GRAMD1B: variants seen among roughly 807,000 people sequenced by gnomAD.
The protein encoded by GRAMD1B is GRAM domain containing 1B.
GRAMD1B carries 37 observed loss-of-function variants against 99.7 expected under a neutral mutation model. The observed-to-expected ratio is 0.37, with a 90% CI of 0.29 to 0.49. The LOEUF (loss-of-function observed/expected upper bound fraction) is 0.49, where lower values mean the gene tolerates loss of function less well. Ranked by LOEUF, GRAMD1B falls within the 20% of genes least tolerant of loss-of-function variation. The pLI, the probability that GRAMD1B is intolerant of heterozygous loss-of-function variation, is 0.98. For missense variants in GRAMD1B, 888 were observed against 1,009.2 expected (o/e 0.88, Z 1.63); for synonymous variants, 427 against 387.6 (o/e 1.10, Z -1.19).
In GRAMD1B at chr11:123,605,444, T is replaced by C; in HGVS notation, c.1289T>C (p.Leu430Pro). 6.2e-7 allele frequency: 1 copy of C among 1,612,342 alleles called. No individual in the cohort carries two copies. The highest frequency in any genetic ancestry group is 1.1e-5 in the South Asian group (1 of 90,842). ...LPKKSITNST[L>P]TSTGSSEAPV... ...AAGAAATCCATCACCAACAGCACACTAACATCCACAGGGAGCAGTGAGGCC... is the reference window on the plus strand; with the variant it reads ...AAGAAATCCATCACCAACAGCACACCAACATCCACAGGGAGCAGTGAGGCC... Residue 430 changes from leucine to proline, a missense_variant, in exon 10 of 20, where the codon CTA (leucine) becomes CCA (proline). By Grantham distance (98) the Leu-to-Pro change is moderately conservative. This residue lies in a region of GRAMD1B where 269 missense variants were observed against 296.6 expected (regional missense o/e 0.91). Coordinates refer to ENST00000635736, the MANE Select transcript of GRAMD1B (RefSeq NM_001387025.1).
intron 2 of GRAMD1B, among the ~76,000 whole-genome samples, chr11:123,552,003 A>G (rs1053063430): frequency 6.6e-6 from 1 of 151,936 alleles, no homozygotes; most frequent in Admixed American, 6.6e-5. Context: ...GTTTTCCCCA[A>G]TCCCATTTTT....
chr11:123,359,509 T>A (rs1053289265), intron 1 of GRAMD1B, among the ~76,000 whole-genome samples: 3 of 152,042 alleles, frequency 2.0e-5, no homozygotes, highest in Admixed American at 6.6e-5. Context: ...TTTGCACCCA[T>A]CAGCCAACCT....
intron 7 of GRAMD1B, among the ~76,000 whole-genome samples, 158 bp from the exon 8 acceptor site, chr11:123,600,310 C>T (rs947384683): frequency 6.6e-6 from 1 of 152,130 alleles, no homozygotes; most frequent in African/African-American, 2.4e-5. Context: ...GTGTGCTGAC[C>T]CCATCACTAA....
chr11:123,605,355 A>C lies in GRAMD1B; in HGVS notation c.1200A>C (p.Glu400Asp). The part of the protein sequence containing the change: ...YCEEIPVEEN[E>D]VNDSSSKSSI... ...AAGAGATCCCTGTGGAAGAGAATGA[A>C]GTGAATGACAGCTCATCCAAGAGCA... is the stretch of plus-strand genomic sequence containing the variant. The change falls in exon 10 of 20, where the codon GAA becomes GAC. Residue 400 changes from glutamate (E) to aspartate (D), a missense_variant. Coordinates refer to ENST00000635736, the MANE Select transcript of GRAMD1B (RefSeq NM_001387025.1). The C allele has an allele frequency of 6.2e-7, 1 of 1,612,562 alleles. No homozygotes were observed. Among genetic ancestry groups the C allele is most frequent in the Non-Finnish European group, 8.5e-7 (1 of 1,179,022 alleles).
chr11:123,448,969 C>T (rs182043761), intron 1 of GRAMD1B, among the ~76,000 whole-genome samples: 117 of 152,328 alleles, frequency 7.7e-4, no homozygotes, highest in Admixed American at 2.8e-3. Context: ...ACCTGCTGCT[C>T]TTGTGTGCTC....
intron 2 of GRAMD1B, among the ~76,000 whole-genome samples, chr11:123,533,012 C>G (rs1446665865): frequency 1.3e-5 from 2 of 152,188 alleles, no homozygotes; most frequent in Admixed American, 1.3e-4. Flanking sequence ...TCTTGTTGCC[C>G]AGGCTGAAGT....
At chr11:123,578,780 G>A (rs952914074) in intron 3 of GRAMD1B, among the ~76,000 whole-genome samples, 1 of 152,204 alleles carries the variant, frequency 6.6e-6, no homozygotes, top group Non-Finnish European at 1.5e-5. Flanking sequence ...CTTTGGGGCA[G>A]GAGACCCCAT....
chr11:123,578,561 G>A, intron 3 of GRAMD1B: 4 of 702,630 alleles, frequency 5.7e-6, no homozygotes, highest in Non-Finnish European at 7.5e-6. Context: ...TCCCAGAAGG[G>A]CCGGCCCCAC....
At chr11:123,517,593 T>A (rs1218803579) in intron 2 of GRAMD1B, among the ~76,000 whole-genome samples, 15 of 152,150 alleles carry the variant, frequency 9.9e-5, no homozygotes. Flanking sequence ...AAGTATAGAT[T>A]TGAACTCAAG....
At chr11:123,600,603 T>C in intron 8 of GRAMD1B, 55 bp downstream of exon 8, 1 of 1,107,654 alleles carries the variant, frequency 9.0e-7, no homozygotes, top group Non-Finnish European at 1.4e-6. Context: ...TAGAGAAGCC[T>C]TTGTCTCCTC....
intron 2 of GRAMD1B, among the ~76,000 whole-genome samples, chr11:123,506,785 C>G (rs1565308784): frequency 6.6e-6 from 1 of 152,058 alleles, no homozygotes; most frequent in Non-Finnish European, 1.5e-5. Context: ...CTTTCATTCT[C>G]TTTTCTGGAG....
chr11:123,501,614 CA>C (rs1323960346), intron 2 of GRAMD1B, among the ~76,000 whole-genome samples: 1 of 152,146 alleles, frequency 6.6e-6, no homozygotes, highest in Non-Finnish European at 1.5e-5. Flanking sequence ...ATTGGAGCTC[CA>C]GAGGTGGAGG....
intron 19 of GRAMD1B, 56 bp from the exon 20 acceptor site, chr11:123,622,450 G>C: frequency 9.3e-7 from 1 of 1,072,880 alleles, no homozygotes; most frequent in Non-Finnish European, 1.4e-6. Context: ...CTGCTCGGTG[G>C]AGAATCCCAC....
rs75004651 is a variant in GRAMD1B at position 123,587,789 on chromosome 11, C to T, written c.684+3457C>T. 0.012 allele frequency among the ~76,000 whole-genome samples: 1,894 copies of T among 152,152 alleles called. 29 individuals carry two copies. Among genetic ancestry groups the T allele is most frequent in the African/African-American group, 0.033 (1,352 of 41,510 alleles). ...AAGCCTGGGGAGTGGCTGGCACAAG[C>T]GAGAAAGCAAAAGAACAAAGGTTTG... On this transcript the variant is annotated intron_variant, in intron 4 of 19. Coordinates refer to ENST00000635736, the MANE Select transcript of GRAMD1B (RefSeq NM_001387025.1). This position sits in a 1 kb window ranked among gnomAD's most constrained non-coding sequence, Gnocchi z 4.2.
rs753142174 is a variant in GRAMD1B at position 123,614,712 on chromosome 11, C to A, written c.2228-33C>A. 67 of 1,365,514 alleles carry A rather than the reference C, an allele frequency of 4.9e-5. 1 individual carries two copies. In the East Asian group the frequency reaches 1.5e-3, roughly 31 times the overall value. 84.6% of individuals were successfully genotyped at this position (1,365,514 alleles called of 1,614,324 possible). A position where few individuals can be genotyped will look rare whatever the true frequency, so the allele number is the denominator to read the frequency against. On this transcript the variant is annotated intron_variant, in intron 16 of 19. Transcript: ENST00000635736. ...CAGCAGTTGTTGGACTTGTGGGTCACCATGGTGATGGTCTCTTTAATTCTC... is the reference window on the plus strand; with the variant it reads ...CAGCAGTTGTTGGACTTGTGGGTCAACATGGTGATGGTCTCTTTAATTCTC...
At chr11:123,499,383 T>C (rs1565302742) in intron 2 of GRAMD1B, among the ~76,000 whole-genome samples, 1 of 152,210 alleles carries the variant, frequency 6.6e-6, no homozygotes, top group Non-Finnish European at 1.5e-5. Context: ...TTAACCAGTC[T>C]GTGGTATTCT....
chr11:123,440,416 G>A (rs573811387), intron 1 of GRAMD1B, among the ~76,000 whole-genome samples: 8 of 152,234 alleles, frequency 5.3e-5, no homozygotes, highest in Non-Finnish European at 7.4e-5. Flanking sequence ...AGGCTGAGAC[G>A]GGAGAATCGT....
At position 123,568,758 on chromosome 11, in the gene GRAMD1B, T is replaced by C. The variant is rs371431774; in HGVS notation, c.453-8609T>C. Reference sequence around the variant, plus strand: ...TGTAAGTTTGGGAAGAGAACTTCTATGCTGTAGGGAAAAAAAAGCAACTCT... The same window carrying C: ...TGTAAGTTTGGGAAGAGAACTTCTACGCTGTAGGGAAAAAAAAGCAACTCT... On this transcript the variant is annotated intron_variant, in intron 2 of 19. Coordinates refer to ENST00000635736, the MANE Select transcript of GRAMD1B (RefSeq NM_001387025.1). 1.4e-4 allele frequency among the ~76,000 whole-genome samples: 22 copies of C among 152,316 alleles called. 1 individual carries two copies. The South Asian group carries it at 4.6e-3, about 32-fold the overall frequency.
At chr11:123,600,276 C>G (rs1217138459) in intron 7 of GRAMD1B, among the ~76,000 whole-genome samples, 192 bp from the exon 8 acceptor site, 1 of 152,170 alleles carries the variant, frequency 6.6e-6, no homozygotes, top group Non-Finnish European at 1.5e-5. Context: ...GGGAACTTAA[C>G]AGTATCAGGT....
Sources: gnomAD v4.1 joint callset for allele counts (sites outside exome capture counted in the v4.1 genomes callset) on GRCh38, gnomAD v4.1.1 for gene constraint, gnomAD v4.1.1 regional missense constraint, Gnocchi (gnomAD v3.1) non-coding constraint, MANE v1.5 for transcripts, NCBI Gene and HGNC (gene_info 2026-07-23, HGNC 2026-07-21) for gene names.